The following IQCM variants were observed in gnomAD, a reference collection of about 807,000 sequenced individuals.
The protein encoded by IQCM is IQ motif containing M.
Under a neutral mutation model 57.6 loss-of-function variants are expected in IQCM, and 45 were observed. The observed-to-expected ratio is 0.78, with a 90% confidence interval of 0.62 to 1.00. The LOEUF is 1.00. IQCM is among the 50% of genes least tolerant of loss of function. The pLI, the probability that IQCM is intolerant of heterozygous loss-of-function variation, is 0.00. For synonymous variants in IQCM, 148 were observed against 158.9 expected, an observed-to-expected ratio of 0.93 and a Z score of 0.51; for missense variants, 468 against 511.6, an observed-to-expected ratio of 0.91 and a Z score of 0.82.
At chr4:149,531,523 T>G (rs1746745611) in intron 12 of IQCM, among the ~76,000 whole-genome samples, 1 of 152,096 alleles carries the variant, frequency 6.6e-6, no homozygotes, top group Non-Finnish European at 1.5e-5. Context: ...CCTTCTTTCC[T>G]TCAACAAATA....
chr4:149,523,098 A>G (rs1745820188), intron 12 of IQCM, among the ~76,000 whole-genome samples: 1 of 152,164 alleles, frequency 6.6e-6, no homozygotes, highest in Non-Finnish European at 1.5e-5. Context: ...TTCCTGGTTT[A>G]TAGAAAACTG....
intron 8 of IQCM, among the ~76,000 whole-genome samples, chr4:149,590,383 T>C (rs1414127192): frequency 6.6e-6 from 1 of 151,774 alleles, no homozygotes; most frequent in Non-Finnish European, 1.5e-5. Flanking sequence ...TCTGCCTTGA[T>C]GTTTCACCTC....
At chr4:149,468,911 T>C (rs1359810310) in intron 12 of IQCM, among the ~76,000 whole-genome samples, 1 of 152,086 alleles carries the variant, frequency 6.6e-6, no homozygotes, top group African/African-American at 2.4e-5. Flanking sequence ...CAGCTGTGGG[T>C]CCTGACTGTT....
intron 7 of IQCM, among the ~76,000 whole-genome samples, chr4:149,645,170 C>G (rs1252142261): frequency 6.6e-6 from 1 of 152,102 alleles, no homozygotes; most frequent in Non-Finnish European, 1.5e-5. Context: ...CCAGAAATGT[C>G]TTATACATGT....
intron 12 of IQCM, among the ~76,000 whole-genome samples, chr4:149,547,581 A>T (rs1371981132): frequency 6.6e-6 from 1 of 152,192 alleles, no homozygotes; most frequent in Admixed American, 6.5e-5. Context: ...AATGTACAGC[A>T]TGGTGACTGT....
chr4:149,542,245 C>T (rs1420846082), intron 12 of IQCM, among the ~76,000 whole-genome samples: 4 of 151,936 alleles, frequency 2.6e-5, no homozygotes, highest in Non-Finnish European at 5.9e-5. Context: ...TAAAAATATG[C>T]TTTTAAATTA....
At chr4:149,588,024 A>G (rs1317722738) in intron 8 of IQCM, 27 bp from the exon 9 acceptor site, 2 of 1,067,900 alleles carry the variant, frequency 1.9e-6, no homozygotes, top group Non-Finnish European at 1.2e-6. Context: ...AAGAGTTGAC[A>G]TAAGTAGAAA....
chr4:149,683,968 T>C (rs1470584035), intron 6 of IQCM, among the ~76,000 whole-genome samples: 1 of 151,296 alleles, frequency 6.6e-6, no homozygotes, highest in Non-Finnish European at 1.5e-5. Context: ...ATCACAAAAC[T>C]GGGCAAAGAA....
At chr4:149,599,702 G>T (rs2150029038) in intron 8 of IQCM, among the ~76,000 whole-genome samples, 1 of 152,236 alleles carries the variant, frequency 6.6e-6, no homozygotes, top group East Asian at 1.9e-4. Context: ...TTCCTATAAG[G>T]TTATGTGGAT....
Position 149,621,149 on chromosome 4 carries a change from TTGA to T in IQCM, c.658_660del (p.Ser220del). 8.1e-7 allele frequency: 1 copy of T among 1,228,134 alleles called. No individual in the cohort carries two copies. 76.1% of individuals were successfully genotyped at this position (1,228,134 alleles called of 1,614,324 possible). A position where few individuals can be genotyped will look rare whatever the true frequency, so the allele number is the denominator to read the frequency against. Reference sequence around the variant, plus strand: ...CTTACAGAATAATAATCCCGAAATATTGATGATGATTGAGAGAAACTAACTCGA... The same window carrying T: ...CTTACAGAATAATAATCCCGAAATATTGATGATTGAGAGAAACTAACTCGA... On this transcript the variant is annotated inframe_deletion, in exon 8 of 14. Coordinates refer to ENST00000636793, the MANE Select transcript of IQCM (RefSeq NM_001363507.2).
chr4:149,415,582 A>G (rs541651201), intron 13 of IQCM, among the ~76,000 whole-genome samples: 1 of 152,236 alleles, frequency 6.6e-6, no homozygotes, highest in South Asian at 2.1e-4. Flanking sequence ...GAATAGGCAG[A>G]GTATTTTTCT....
chr4:149,674,103 C>G (rs1761545418), intron 7 of IQCM, among the ~76,000 whole-genome samples: 1 of 152,046 alleles, frequency 6.6e-6, no homozygotes. Flanking sequence ...GAGTTGTTCA[C>G]CATATTCTCA....
intron 2 of IQCM, among the ~76,000 whole-genome samples, chr4:149,790,840 T>C (rs1340686639): frequency 1.3e-5 from 2 of 152,130 alleles, no homozygotes; most frequent in East Asian, 3.9e-4. Context: ...ATTTTTTTTT[T>C]GGTACTTTTA....
At chr4:149,700,399 G>C (rs1763678037) in intron 5 of IQCM, among the ~76,000 whole-genome samples, 1 of 151,614 alleles carries the variant, frequency 6.6e-6, no homozygotes. Flanking sequence ...AACTCTATCA[G>C]GTCACCCCCC....
At chr4:149,579,220 T>G (rs1321411766) in intron 9 of IQCM, among the ~76,000 whole-genome samples, 2 of 151,788 alleles carry the variant, frequency 1.3e-5, no homozygotes, top group Non-Finnish European at 2.9e-5. Flanking sequence ...ATAGTCAGTT[T>G]CCTTACTCTC....
At chr4:149,472,116 G>C (rs543525658) in intron 12 of IQCM, among the ~76,000 whole-genome samples, 17 of 152,228 alleles carry the variant, frequency 1.1e-4, no homozygotes, top group African/African-American at 3.9e-4. Flanking sequence ...GGAAGTTCTG[G>C]CCAGGGCAAT....
chr4:149,639,440 A>G (rs1459054960), intron 7 of IQCM, among the ~76,000 whole-genome samples: 2 of 150,570 alleles, frequency 1.3e-5, no homozygotes, highest in Non-Finnish European at 3.0e-5. Context: ...AAAAAAAAAA[A>G]AGAAGAAGAA....
At chr4:149,591,519 G>A (rs1753169977) in intron 8 of IQCM, among the ~76,000 whole-genome samples, 1 of 151,640 alleles carries the variant, frequency 6.6e-6, no homozygotes, top group African/African-American at 2.4e-5. Flanking sequence ...TGTTACATAT[G>A]TATACATGTG....
At position 149,352,043 on chromosome 4, in the gene IQCM, G is replaced by A. The variant is rs189256524; in HGVS notation, c.1414C>T (p.Arg472Ter). ...YIVNGHPALKRANIRVVGKLV... is the reference protein window; with the variant it reads ...YIVNGHPALK ...TTTCCAACAACCCGGATGTTAGCTCGTTTGAGTGCTGGATGTCCATTTACT... is the reference window on the plus strand; with the variant it reads ...TTTCCAACAACCCGGATGTTAGCTCATTTGAGTGCTGGATGTCCATTTACT... The change falls in exon 14 of 14, where the codon CGA becomes TGA. Residue 472 changes from arginine to a stop codon, truncating the protein, a stop_gained. Transcript: ENST00000636793. LOFTEE classifies it high-confidence loss of function. 2.0e-4 allele frequency: 78 copies of A among 398,908 alleles called. 1 individual carries two copies. The East Asian group carries it at 2.4e-3, about 12-fold the overall frequency. 24.7% of individuals were successfully genotyped at this position (398,908 alleles called of 1,614,324 possible).
Sources: allele counts gnomAD v4.1 joint callset (sites outside exome capture counted in the v4.1 genomes callset), GRCh38; gene constraint gnomAD v4.1.1; transcripts MANE v1.5; gene names NCBI Gene and HGNC (gene_info 2026-07-23, HGNC 2026-07-21).